The following DGKB variants were observed in gnomAD, a reference collection of about 807,000 sequenced individuals.
DGKB encodes 90 kDa diacylglycerol kinase.
DGKB carries 67 observed loss-of-function variants against 114.3 expected under a neutral mutation model. The observed-to-expected ratio is 0.59, with a 90% CI of 0.48 to 0.72. The LOEUF (loss-of-function observed/expected upper bound fraction) is 0.72, where lower values mean the gene tolerates loss of function less well. DGKB is among the 30% of genes least tolerant of loss of function. DGKB has a pLI of 0.00. For missense variants in DGKB, 907 were observed against 975.2 expected (o/e 0.93, Z 0.93); for synonymous variants, 398 against 323.1 (o/e 1.23, Z -2.49).
chr7:14,434,599 G>A (rs1027112586), intron 21 of DGKB, among the ~76,000 whole-genome samples: 1 of 152,154 alleles, frequency 6.6e-6, no homozygotes, highest in African/African-American at 2.4e-5. Flanking sequence ...TGGACACTTT[G>A]ATTCTTGTTC....
intron 25 of DGKB, among the ~76,000 whole-genome samples, chr7:14,149,439 C>G (rs542935670): frequency 6.6e-6 from 1 of 152,010 alleles, no homozygotes; most frequent in African/African-American, 2.4e-5. Flanking sequence ...TAAATAATAT[C>G]CCAGTGCTCA....
intron 20 of DGKB, among the ~76,000 whole-genome samples, chr7:14,480,238 T>C (rs10950529): frequency 0.079 from 12,070 of 152,016 alleles, 925 homozygotes; most frequent in East Asian, 0.45. Context: ...TAGCCAAAGA[T>C]AGAACTAATA....
intron 23 of DGKB, among the ~76,000 whole-genome samples, chr7:14,286,041 G>A (rs1034944008): frequency 1.3e-5 from 2 of 152,082 alleles, no homozygotes; most frequent in African/African-American, 4.8e-5. Flanking sequence ...ATTAAAGGCT[G>A]GAGATCTCCT....
intron 23 of DGKB, among the ~76,000 whole-genome samples, chr7:14,258,215 C>T (rs1200165660): frequency 6.6e-6 from 1 of 152,076 alleles, no homozygotes; most frequent in Non-Finnish European, 1.5e-5. Context: ...CTTTGTGATA[C>T]CATGTATTCA....
intron 20 of DGKB, among the ~76,000 whole-genome samples, chr7:14,573,876 G>C (rs1798737765): frequency 6.6e-6 from 1 of 151,904 alleles, no homozygotes; most frequent in African/African-American, 2.4e-5. Context: ...CAATAATATG[G>C]AGTTTTAGCT....
chr7:14,891,951 C>G (rs1781303587), intron 1 of DGKB, among the ~76,000 whole-genome samples: 1 of 151,154 alleles, frequency 6.6e-6, no homozygotes, highest in Admixed American at 6.6e-5. Flanking sequence ...ATTCAATACC[C>G]CAATTGAAAA....
intron 13 of DGKB, 24 bp from the exon 14 acceptor site, chr7:14,630,292 T>A (rs759395959): frequency 6.5e-7 from 1 of 1,540,946 alleles, no homozygotes; most frequent in African/African-American, 1.4e-5. Context: ...GAAGTTCATA[T>A]GAAAGCTGAA....
chr7:14,529,445 A>G (rs1791196329), intron 20 of DGKB, among the ~76,000 whole-genome samples: 2 of 151,916 alleles, frequency 1.3e-5, no homozygotes, highest in Non-Finnish European at 2.9e-5. Context: ...GATTAAAAAC[A>G]TTAATATGAG....
chr7:14,727,344 C>T (rs1332706509), intron 5 of DGKB, among the ~76,000 whole-genome samples: 3 of 152,100 alleles, frequency 2.0e-5, no homozygotes, highest in Non-Finnish European at 4.4e-5. Context: ...TCATCCCTTA[C>T]TGGCAGTAAT....
At chr7:14,366,511 C>T (rs142960799) in intron 21 of DGKB, among the ~76,000 whole-genome samples, 1 of 152,246 alleles carries the variant, frequency 6.6e-6, no homozygotes, top group East Asian at 1.9e-4. Context: ...AGCTAACATG[C>T]TGTTAGTGAG....
intron 1 of DGKB, among the ~76,000 whole-genome samples, chr7:14,919,010 C>T (rs935460903): frequency 6.6e-6 from 1 of 150,746 alleles, no homozygotes; most frequent in Non-Finnish European, 1.5e-5. Context: ...TTCCAGTGAG[C>T]TGTCATGCCA....
chr7:14,937,385 C>T (rs1360244983), intron 1 of DGKB, among the ~76,000 whole-genome samples: 2 of 151,944 alleles, frequency 1.3e-5, no homozygotes, highest in Non-Finnish European at 2.9e-5. Context: ...ATATTTTCAG[C>T]ATAATATGGG....
intron 23 of DGKB, among the ~76,000 whole-genome samples, chr7:14,232,804 G>T (rs1725221173): frequency 6.6e-6 from 1 of 151,986 alleles, no homozygotes; most frequent in South Asian, 2.1e-4. Flanking sequence ...AGAGGTACTT[G>T]TAAGACAAAA....
chr7:14,851,113 A>T (rs894802103), intron 1 of DGKB, among the ~76,000 whole-genome samples: 1 of 152,182 alleles, frequency 6.6e-6, no homozygotes, highest in African/African-American at 2.4e-5. Context: ...GAAATTGGAC[A>T]TATATACAGT....
intron 20 of DGKB, among the ~76,000 whole-genome samples, chr7:14,489,754 G>A (rs888923555): frequency 6.6e-6 from 1 of 152,158 alleles, no homozygotes; most frequent in Non-Finnish European, 1.5e-5. Flanking sequence ...AAGAGGTAGG[G>A]ATACAGGCAG....
intron 13 of DGKB, among the ~76,000 whole-genome samples, chr7:14,643,433 G>A (rs1263335379): frequency 1.3e-5 from 2 of 152,134 alleles, no homozygotes; most frequent in African/African-American, 4.8e-5. Flanking sequence ...TTTGAGGGAA[G>A]AACCATCACC....
intron 1 of DGKB, among the ~76,000 whole-genome samples, chr7:14,966,708 C>T (rs963894486): frequency 6.6e-6 from 1 of 151,890 alleles, no homozygotes; most frequent in Non-Finnish European, 1.5e-5. Flanking sequence ...TATTTTTGGC[C>T]CCATTCCATG....
intron 21 of DGKB, among the ~76,000 whole-genome samples, chr7:14,361,991 C>G (rs1254765613): frequency 6.6e-6 from 1 of 151,938 alleles, no homozygotes; most frequent in Non-Finnish European, 1.5e-5. Flanking sequence ...CAGTCTGAAT[C>G]TAGATACAGT....
intron 23 of DGKB, among the ~76,000 whole-genome samples, chr7:14,309,373 TAAAAGCA>T (rs963328284): frequency 2.2e-4 from 34 of 152,186 alleles, no homozygotes; most frequent in African/African-American, 6.3e-4. Flanking sequence ...AATCACTAAT[TAAAAGCA>T]AAAAGCAAAA....
Sources: gnomAD v4.1 joint callset for allele counts (sites outside exome capture counted in the v4.1 genomes callset) on GRCh38, gnomAD v4.1.1 for gene constraint, MANE v1.5 for transcripts, NCBI Gene and HGNC (gene_info 2026-07-23, HGNC 2026-07-21) for gene names.